The following RPA1 variants were observed in gnomAD, a reference collection of about 807,000 sequenced individuals.
The protein encoded by RPA1 is replication protein A1, also known as replication protein A 70 kDa DNA-binding subunit.
Under a neutral mutation model 83.0 loss-of-function variants are expected in RPA1, and 49 were observed. The observed-to-expected ratio is 0.59, with a 90% CI of 0.47 to 0.75. RPA1 has a LOEUF of 0.75. RPA1 is among the 30% of genes least tolerant of loss of function. The pLI, the probability that RPA1 is intolerant of heterozygous loss-of-function variation, is 0.00. For missense variants in RPA1, 693 were observed against 776.1 expected (o/e 0.89, Z 1.27); for synonymous variants, 279 against 281.8 (o/e 0.99, Z 0.10).
intron 12 of RPA1, among the ~76,000 whole-genome samples, chr17:1,883,163 A>AT (rs1044564827): frequency 2.0e-5 from 3 of 151,546 alleles, no homozygotes; most frequent in Admixed American, 2.0e-4. Flanking sequence ...TCTTAAAAAA[A>AT]TTTTTTTTTC....
intron 4 of RPA1, among the ~76,000 whole-genome samples, chr17:1,852,204 G>T (rs1326684355): frequency 1.3e-5 from 2 of 152,066 alleles, no homozygotes; most frequent in East Asian, 1.9e-4. Context: ...AAGCACTGAG[G>T]GATACCTGTC....
At chr17:1,845,162 TTGTGTGTGTGTGTG>T (rs71150822) in intron 4 of RPA1, among the ~76,000 whole-genome samples, 1 of 141,608 alleles carries the variant, frequency 7.1e-6, no homozygotes, top group South Asian at 2.2e-4. Flanking sequence ...TAATGCTGCT[TTGTGTGTGTGTGTG>T]TGTGTGTGTG....
chr17:1,860,998 C>A (rs1912938645), intron 5 of RPA1, among the ~76,000 whole-genome samples: 1 of 152,160 alleles, frequency 6.6e-6, no homozygotes, highest in South Asian at 2.1e-4. Flanking sequence ...CTACCTCGTG[C>A]CCCATGAATA....
chr17:1,872,648 G>C (rs573795958), intron 6 of RPA1, 122 bp downstream of exon 6: 563 of 1,325,744 alleles, frequency 4.2e-4, no homozygotes, highest in Non-Finnish European at 5.2e-4. Context: ...TTGTGTCTTG[G>C]AAAGAATAAT....
At position 1,878,989 on chromosome 17, in the gene RPA1, G is replaced by T; in HGVS notation, c.691-4G>T. The T allele has an allele frequency of 6.2e-7, 1 of 1,614,200 alleles. No individual in the cohort carries two copies. Among genetic ancestry groups the T allele is most frequent in the Non-Finnish European group, 8.5e-7 (1 of 1,180,034 alleles). On this transcript the variant is annotated splice_polypyrimidine_tract_variant and splice_region_variant and intron_variant, in intron 8 of 16. Transcript: ENST00000254719. ...AGCCCTAACCTGCCCACGTGCTTCT[G>T]CAGGGTGAAATCCGAGCTACAGCTT...
chr17:1,830,232 G>A, intron 1 of RPA1, 106 bp downstream of exon 1: 1 of 848,260 alleles, frequency 1.2e-6, no homozygotes, highest in Non-Finnish European at 1.6e-6. Context: ...GGATGAACGC[G>A]AGGGGAGGAG....
chr17:1,830,122 T>A lies in RPA1; in HGVS notation c.29T>A (p.Ile10Asn), dbSNP rs1381711488. Residue 10 changes from isoleucine to asparagine, a missense_variant, in exon 1 of 17, where the codon ATT becomes AAT. Physicochemically the swap from Ile to Asn is moderately radical, Grantham distance 149. Transcript: ENST00000254719. Reference sequence around the variant, plus strand: ...GTCGGCCAACTGAGCGAGGGGGCCATTGCGGTGAGGAGGTGCCGGGGGCTG... The same window carrying A: ...GTCGGCCAACTGAGCGAGGGGGCCAATGCGGTGAGGAGGTGCCGGGGGCTG... MVGQLSEGA[I>N]AAIMQKGDTN... is the part of the protein sequence containing the mutation. 8.0e-7 allele frequency: 1 copy of A among 1,247,970 alleles called. No homozygotes were observed. Among genetic ancestry groups the A allele is most frequent in the African/African-American group, 1.6e-5 (1 of 64,480 alleles). 77.3% of individuals were successfully genotyped at this position (1,247,970 alleles called of 1,614,324 possible). A position where few individuals can be genotyped will look rare whatever the true frequency, so the allele number is the denominator to read the frequency against.
Position 1,898,116 on chromosome 17 carries a change from A to G in RPA1, c.*941A>G, listed in dbSNP as rs1278104402. 6.6e-6 allele frequency: 1 copy of G among 152,202 alleles called. No individual in the cohort carries two copies. Among genetic ancestry groups the G allele is most frequent in the African/African-American group, 2.4e-5 (1 of 41,444 alleles). The allele number at this position is 152,202 out of a possible 1,614,324, so 9.4% of individuals were successfully genotyped here. A position where few individuals can be genotyped will look rare whatever the true frequency, so the allele number is the denominator to read the frequency against. ...AAAGAGTTCCTATAACTGGAAAGCAATTAATTAGCCTTCATAATAAATGTT... is the reference window on the plus strand; with the variant it reads ...AAAGAGTTCCTATAACTGGAAAGCAGTTAATTAGCCTTCATAATAAATGTT... On this transcript the variant is annotated 3_prime_UTR_variant, in exon 17 of 17. Coordinates refer to ENST00000254719, the MANE Select transcript of RPA1 (RefSeq NM_002945.5).
chr17:1,861,245 G>T (rs942422553), intron 5 of RPA1, among the ~76,000 whole-genome samples: 1 of 152,108 alleles, frequency 6.6e-6, no homozygotes, highest in African/African-American at 2.4e-5. Context: ...GCTAGACGGC[G>T]ATCTCCCCAG....
Position 1,874,779 on chromosome 17 carries a change from G to A in RPA1, c.455-882G>A, listed in dbSNP as rs1178419449. Among the ~76,000 whole-genome samples, 9 of 152,308 alleles carry A rather than the reference G, an allele frequency of 5.9e-5. No individual in the cohort carries two copies. The South Asian group carries it at 1.9e-3, about 32-fold the overall frequency. ...AATTTCAACACAGAAACACTCCTATGTATATTTTTTACTAATTACTACGAA... is the reference window on the plus strand; with the variant it reads ...AATTTCAACACAGAAACACTCCTATATATATTTTTTACTAATTACTACGAA... On this transcript the variant is annotated intron_variant, in intron 6 of 16. Transcript: ENST00000254719.
intron 4 of RPA1, among the ~76,000 whole-genome samples, chr17:1,852,603 A>G (rs1408363198): frequency 2.0e-5 from 3 of 152,230 alleles, no homozygotes; most frequent in Non-Finnish European, 2.9e-5. Flanking sequence ...CAGGCAAGCC[A>G]TGGCCCAGGT....
chr17:1,881,105 TAG>T (rs781471990), intron 12 of RPA1, among the ~76,000 whole-genome samples: 3 of 152,208 alleles, frequency 2.0e-5, no homozygotes, highest in Non-Finnish European at 4.4e-5. Context: ...GTGTATTCAC[TAG>T]ACTCTGATCA....
Position 1,884,058 on chromosome 17 carries a change from G to T in RPA1, c.1374+114G>T. The T allele has an allele frequency of 1.4e-6, 2 of 1,433,696 alleles. No individual in the cohort carries two copies. Among genetic ancestry groups the T allele is most frequent in the Non-Finnish European group, 1.9e-6 (2 of 1,049,034 alleles). The allele number at this position is 1,433,696 out of a possible 1,614,324, so 88.8% of individuals were successfully genotyped here. A position where few individuals can be genotyped will look rare whatever the true frequency, so the allele number is the denominator to read the frequency against. ...AGAGCCGTAATTCTTACCCGGGGCT[G>T]TGACCTGAGCGTGGCATGGGGGTTG... is the stretch of plus-strand genomic sequence containing the variant. On this transcript the variant is annotated intron_variant, in intron 13 of 16. Coordinates refer to ENST00000254719, the MANE Select transcript of RPA1 (RefSeq NM_002945.5). The surrounding 1 kb of genome is among the most constrained non-coding windows in gnomAD (Gnocchi z 4.1).
At chr17:1,895,927 A>G (rs1015337365) in intron 16 of RPA1, among the ~76,000 whole-genome samples, 4 of 151,424 alleles carry the variant, frequency 2.6e-5, no homozygotes, top group African/African-American at 9.7e-5. Flanking sequence ...CAGATGATCC[A>G]CCCGCCTCAG....
intron 14 of RPA1, among the ~76,000 whole-genome samples, chr17:1,890,853 T>G (rs1028733504): frequency 2.0e-5 from 3 of 152,076 alleles, no homozygotes; most frequent in African/African-American, 7.3e-5. Context: ...CCCGCACACT[T>G]GTTTGATTTG....
intron 4 of RPA1, among the ~76,000 whole-genome samples, chr17:1,848,129 G>T (rs1409874832): frequency 2.6e-5 from 4 of 152,172 alleles, no homozygotes; most frequent in African/African-American, 9.7e-5. Context: ...TTTTGCTGAT[G>T]ACAACAGTGT....
chr17:1,870,794 A>AT (rs776109257), intron 5 of RPA1, among the ~76,000 whole-genome samples: 28 of 152,232 alleles, frequency 1.8e-4, no homozygotes, highest in Non-Finnish European at 8.8e-5. Context: ...AGCAGATATG[A>AT]TCTCAGCAGG....
chr17:1,867,806 C>T (rs1913235181), intron 5 of RPA1, among the ~76,000 whole-genome samples: 1 of 151,988 alleles, frequency 6.6e-6, no homozygotes, highest in Non-Finnish European at 1.5e-5. Context: ...GGGCCGGGTG[C>T]CATGGCTGAC....
At chr17:1,876,929 AT>A (rs1185098515) in intron 7 of RPA1, among the ~76,000 whole-genome samples, 1 of 152,242 alleles carries the variant, frequency 6.6e-6, no homozygotes, top group Non-Finnish European at 1.5e-5. Flanking sequence ...TTAAGGGGAT[AT>A]GGTTGCCTTG....
Sources: gnomAD v4.1 joint callset for allele counts (sites outside exome capture counted in the v4.1 genomes callset) on GRCh38, gnomAD v4.1.1 for gene constraint, Gnocchi (gnomAD v3.1) non-coding constraint, MANE v1.5 for transcripts, NCBI Gene and HGNC (gene_info 2026-07-23, HGNC 2026-07-21) for gene names.